SUCLG2: variants seen among roughly 807,000 people sequenced by gnomAD.
SUCLG2 encodes succinate-CoA ligase GDP-forming subunit beta, also known as succinate--CoA ligase [GDP-forming] subunit beta, mitochondrial.
Under a neutral mutation model 47.9 loss-of-function variants are expected in SUCLG2, and 42 were observed. That is an observed-to-expected ratio of 0.88 (90% CI 0.69 to 1.14). The LOEUF is 1.14. SUCLG2 is among the 50% of genes most tolerant of loss of function. The pLI, the probability that SUCLG2 is intolerant of heterozygous loss-of-function variation, is 0.00. For synonymous variants in SUCLG2, 195 were observed against 197.3 expected (o/e 0.99, Z 0.10); for missense variants, 571 against 525.9 (o/e 1.09, Z -0.84).
chr3:67,434,443 C>A (rs1703565674), intron 9 of SUCLG2, among the ~76,000 whole-genome samples: 2 of 152,134 alleles, frequency 1.3e-5, no homozygotes, highest in Non-Finnish European at 2.9e-5. Context: ...GGGAGGATTT[C>A]TTGGGCCTGG....
At chr3:67,404,142 C>G (rs1702751116) in intron 9 of SUCLG2, among the ~76,000 whole-genome samples, 2 of 152,160 alleles carry the variant, frequency 1.3e-5, no homozygotes, top group Non-Finnish European at 2.9e-5. Flanking sequence ...CCTTGGCCTC[C>G]CAAAGTGTTG....
chr3:67,631,559 A>T (rs978763410), intron 1 of SUCLG2, among the ~76,000 whole-genome samples: 16 of 152,050 alleles, frequency 1.1e-4, no homozygotes, highest in African/African-American at 3.4e-4. Context: ...CCTGGGAGGC[A>T]GAGGCTGCAG....
At chr3:67,417,994 A>G (rs1703073081) in intron 9 of SUCLG2, among the ~76,000 whole-genome samples, 1 of 152,180 alleles carries the variant, frequency 6.6e-6, no homozygotes, top group Non-Finnish European at 1.5e-5. Context: ...AAGAGGACAT[A>G]AGATACAAAG....
intron 1 of SUCLG2, among the ~76,000 whole-genome samples, chr3:67,613,271 A>G (rs1011337135): frequency 6.6e-6 from 1 of 152,200 alleles, no homozygotes; most frequent in Non-Finnish European, 1.5e-5. Context: ...TCCTGAAGCT[A>G]CCTAGTGGAC....
At chr3:67,379,566 T>C (rs1575657110) in intron 10 of SUCLG2, among the ~76,000 whole-genome samples, 1 of 152,358 alleles carries the variant, frequency 6.6e-6, no homozygotes, top group East Asian at 1.9e-4. Flanking sequence ...CCAAGTAATC[T>C]AAATAATTTA....
chr3:67,531,253 T>C (rs1559560199), intron 2 of SUCLG2, among the ~76,000 whole-genome samples: 1 of 152,306 alleles, frequency 6.6e-6, no homozygotes, highest in South Asian at 2.1e-4. Flanking sequence ...AAAAAATACT[T>C]TTTGCTGTCT....
intron 2 of SUCLG2, among the ~76,000 whole-genome samples, chr3:67,604,792 G>T (rs1410296299): frequency 5.3e-5 from 8 of 152,114 alleles, no homozygotes; most frequent in Non-Finnish European, 8.8e-5. Flanking sequence ...GAGACAATCC[G>T]CAGAGAAGTC....
At chr3:67,459,196 A>G (rs534685004) in intron 9 of SUCLG2, among the ~76,000 whole-genome samples, 50 of 152,292 alleles carry the variant, frequency 3.3e-4, no homozygotes, top group African/African-American at 1.2e-3. Flanking sequence ...CTCATTCTCA[A>G]CTATTTAAGC....
At chr3:67,614,342 C>T (rs1044802774) in intron 1 of SUCLG2, among the ~76,000 whole-genome samples, 5 of 151,858 alleles carry the variant, frequency 3.3e-5, no homozygotes, top group Non-Finnish European at 7.4e-5. Flanking sequence ...AACAGCATCT[C>T]CTCTGAAGCT....
At chr3:67,448,022 C>T (rs545331940) in intron 9 of SUCLG2, among the ~76,000 whole-genome samples, 173 of 152,274 alleles carry the variant, frequency 1.1e-3, no homozygotes, top group African/African-American at 3.9e-3. Flanking sequence ...ACCCACCGCA[C>T]CCGGCTGAGA....
chr3:67,524,936 TTTCACTAGGGAAC>T (rs1163069070), intron 4 of SUCLG2, among the ~76,000 whole-genome samples: 3 of 152,086 alleles, frequency 2.0e-5, no homozygotes, highest in African/African-American at 7.2e-5. Flanking sequence ...GCTCACATGG[TTTCACTAGGGAAC>T]TTCACCAAGC....
intron 9 of SUCLG2, among the ~76,000 whole-genome samples, chr3:67,467,040 T>C (rs1380072977): frequency 1.3e-5 from 2 of 152,222 alleles, no homozygotes; most frequent in South Asian, 2.1e-4. Flanking sequence ...TAATTTGTTT[T>C]GAATTAAGAA....
chr3:67,375,826 T>C lies in SUCLG2; in HGVS notation c.1217A>G (p.Asn406Ser), dbSNP rs762178938. Reference protein sequence around the residue: ...TNVQEAQKILNNSGLPITSAI... With the variant: ...TNVQEAQKILSNSGLPITSAI... ...TGAAGTAATGGGGAGTCCGCTGTTG[T>C]TGAGTATCTTCTGGGCCTCTTGGAC... Residue 406 changes from asparagine (N) to serine (S), a missense_variant, in exon 11 of 11, where the codon AAC (asparagine) becomes AGC (serine). Transcript: ENST00000307227. 12 of 1,613,792 alleles carry C rather than the reference T, an allele frequency of 7.4e-6. No individual in the cohort carries two copies. The East Asian group carries it at 8.9e-5, about 12-fold the overall frequency.
intron 2 of SUCLG2, among the ~76,000 whole-genome samples, chr3:67,544,534 G>A (rs999348808): frequency 2.0e-5 from 3 of 152,096 alleles, no homozygotes; most frequent in East Asian, 3.8e-4. Context: ...CCCCAGCCAC[G>A]CGGAACTGTG....
At chr3:67,522,764 C>T (rs566849660) in intron 4 of SUCLG2, among the ~76,000 whole-genome samples, 10 of 150,164 alleles carry the variant, frequency 6.7e-5, no homozygotes, top group South Asian at 4.2e-4. Context: ...ACCAGATTTA[C>T]GCCATTCTCC....
At chr3:67,521,603 CT>C (rs200484860) in intron 4 of SUCLG2, among the ~76,000 whole-genome samples, 34 of 147,746 alleles carry the variant, frequency 2.3e-4, no homozygotes, top group African/African-American at 3.5e-4. Context: ...TTTTTTTAAT[CT>C]TTTTTTTTTT....
intron 4 of SUCLG2, among the ~76,000 whole-genome samples, chr3:67,523,515 G>C (rs1706175377): frequency 6.6e-6 from 1 of 152,140 alleles, no homozygotes; most frequent in Non-Finnish European, 1.5e-5. Flanking sequence ...CAGAATTTCT[G>C]ATTGAGGGGT....
chr3:67,517,356 G>C (rs1259003848), intron 6 of SUCLG2, among the ~76,000 whole-genome samples: 14 of 152,200 alleles, frequency 9.2e-5, no homozygotes, highest in Admixed American at 7.2e-4. Flanking sequence ...TATGGGAATA[G>C]TGCTGCCCAA....
intron 9 of SUCLG2, among the ~76,000 whole-genome samples, chr3:67,489,912 T>C (rs1024444634): frequency 7.2e-5 from 11 of 152,172 alleles, no homozygotes; most frequent in Middle Eastern, 3.2e-3. Context: ...GGCTAACCAA[T>C]TGGAAGCAGA....
Sources: allele counts gnomAD v4.1 joint callset (sites outside exome capture counted in the v4.1 genomes callset), GRCh38; gene constraint gnomAD v4.1.1; transcripts MANE v1.5; gene names NCBI Gene and HGNC (gene_info 2026-07-23, HGNC 2026-07-21).